Variants in CERS6 observed in about 807,000 individuals in gnomAD.
CERS6 encodes LAG1 homolog, ceramide synthase 6.
In CERS6, 26 loss-of-function variants were observed where a neutral mutation model predicts 56.8. The observed-to-expected ratio is 0.46, with a 90% CI of 0.34 to 0.63. The LOEUF is 0.63. Among genes scored for constraint, CERS6 ranks in the 30% least tolerant of loss-of-function variants. CERS6 has a pLI of 0.01. For synonymous variants in CERS6, 164 were observed against 173.3 expected (o/e 0.95, Z 0.42); for missense variants, 415 against 467.5 (o/e 0.89, Z 1.04).
chr2:168,711,748 A>AAT (rs1367843173), intron 6 of CERS6, among the ~76,000 whole-genome samples: 1 of 151,566 alleles, frequency 6.6e-6, no homozygotes, highest in Non-Finnish European at 1.5e-5. Context: ...AAAAAAAAAA[A>AAT]AGTATAGTTA....
chr2:168,646,882 T>A, intron 4 of CERS6, among the ~76,000 whole-genome samples: 1 of 152,224 alleles, frequency 6.6e-6, no homozygotes, highest in Non-Finnish European at 1.5e-5. Context: ...TCTGTTCCAT[T>A]GGTCTATGTG....
At chr2:168,569,723 T>C (rs10930333) in intron 3 of CERS6, among the ~76,000 whole-genome samples, 125,294 of 152,076 alleles carry the variant, frequency 0.82, 52,282 homozygotes, top group South Asian at 0.95. Flanking sequence ...GTCAGTATGG[T>C]GGTGAAGGCA....
chr2:168,692,686 G>A (rs1202943939), intron 5 of CERS6, among the ~76,000 whole-genome samples: 3 of 152,120 alleles, frequency 2.0e-5, no homozygotes, highest in Non-Finnish European at 4.4e-5. Context: ...ACAAATTGAT[G>A]GTTTCTCATG....
At chr2:168,476,397 T>G (rs959606543) in intron 1 of CERS6, among the ~76,000 whole-genome samples, 1 of 152,186 alleles carries the variant, frequency 6.6e-6, no homozygotes, top group African/African-American at 2.4e-5. Flanking sequence ...TCTGGAATAT[T>G]TTCTATGCAT....
At chr2:168,552,055 T>C (rs937625885) in intron 2 of CERS6, among the ~76,000 whole-genome samples, 1 of 152,154 alleles carries the variant, frequency 6.6e-6, no homozygotes, top group Non-Finnish European at 1.5e-5. Context: ...AATAATAAAA[T>C]TAACTTTTGG....
intron 3 of CERS6, among the ~76,000 whole-genome samples, chr2:168,562,979 A>T (rs569166581): frequency 3.3e-5 from 5 of 152,308 alleles, no homozygotes. Flanking sequence ...ACATGTCTAC[A>T]TGCTGAAAGT....
chr2:168,477,229 G>A (rs1346729619), intron 1 of CERS6, among the ~76,000 whole-genome samples: 2 of 147,352 alleles, frequency 1.4e-5, no homozygotes, highest in Non-Finnish European at 1.5e-5. Flanking sequence ...GTCTCATAGG[G>A]CACTAATTCC....
chr2:168,723,160 A>T (rs1186778630), intron 8 of CERS6, among the ~76,000 whole-genome samples: 1 of 152,174 alleles, frequency 6.6e-6, no homozygotes, highest in African/African-American at 2.4e-5. Flanking sequence ...CAGGATTGAG[A>T]GATAAGTAGA....
intron 8 of CERS6, among the ~76,000 whole-genome samples, chr2:168,724,261 G>A (rs916003961): frequency 3.9e-5 from 6 of 151,990 alleles, no homozygotes; most frequent in African/African-American, 1.5e-4. Context: ...CGGTGGGCTC[G>A]TGGTCTCGCT....
intron 1 of CERS6, among the ~76,000 whole-genome samples, chr2:168,535,336 T>C (rs1483588853): frequency 1.3e-5 from 2 of 152,208 alleles, no homozygotes; most frequent in Non-Finnish European, 1.5e-5. Flanking sequence ...CCCGGTGGAA[T>C]GCGTTCACGA....
chr2:168,458,739 A>T (rs566035441), intron 1 of CERS6, among the ~76,000 whole-genome samples: 2 of 152,334 alleles, frequency 1.3e-5, no homozygotes, highest in Admixed American at 6.5e-5. Context: ...TATGTCACAG[A>T]ATGCTACTGA....
chr2:168,571,743 G>A (rs1559003108), intron 3 of CERS6, among the ~76,000 whole-genome samples: 1 of 152,140 alleles, frequency 6.6e-6, no homozygotes, highest in Non-Finnish European at 1.5e-5. Flanking sequence ...ACATAGGCAT[G>A]CCACATGTAA....
intron 4 of CERS6, among the ~76,000 whole-genome samples, chr2:168,632,466 G>T (rs940932738): frequency 6.6e-6 from 1 of 152,088 alleles, no homozygotes; most frequent in Non-Finnish European, 1.5e-5. Flanking sequence ...TTTTTTACTT[G>T]TAGTCTTTTC....
chr2:168,501,215 T>C (rs1694574264), intron 1 of CERS6, among the ~76,000 whole-genome samples: 1 of 152,108 alleles, frequency 6.6e-6, no homozygotes, highest in African/African-American at 2.4e-5. Flanking sequence ...CCAGCATCAA[T>C]ATCCATGATT....
At chr2:168,697,063 G>A (rs970918077) in intron 6 of CERS6, among the ~76,000 whole-genome samples, 12 of 152,188 alleles carry the variant, frequency 7.9e-5, no homozygotes, top group Non-Finnish European at 1.3e-4. Flanking sequence ...AAAGCGTTTA[G>A]GAGTCTGTGG....
At chr2:168,601,444 A>G (rs1683930087) in intron 3 of CERS6, among the ~76,000 whole-genome samples, 1 of 152,098 alleles carries the variant, frequency 6.6e-6, no homozygotes, top group African/African-American at 2.4e-5. Flanking sequence ...AAGACCAATG[A>G]TGAATTCTGA....
At chr2:168,530,279 G>C (rs1391404333) in intron 1 of CERS6, among the ~76,000 whole-genome samples, 1 of 152,226 alleles carries the variant, frequency 6.6e-6, no homozygotes, top group Non-Finnish European at 1.5e-5. Context: ...TGAGGGTGCA[G>C]TTATATCCTT....
chr2:168,475,223 TA>T (rs200074643), intron 1 of CERS6, among the ~76,000 whole-genome samples: 5 of 151,770 alleles, frequency 3.3e-5, no homozygotes, highest in African/African-American at 9.7e-5. Context: ...AGAGAAAAGC[TA>T]AAAAAAAGTG....
chr2:168,761,200 T>TGTCTCAAGTGTCG (rs1559084210), intron 8 of CERS6, among the ~76,000 whole-genome samples: 1 of 152,224 alleles, frequency 6.6e-6, no homozygotes, highest in Non-Finnish European at 1.5e-5. Context: ...CAAGTGTCTC[T>TGTCTCAAGTGTCG]ACAGGAAGCC....
Sources: allele counts gnomAD v4.1 joint callset (sites outside exome capture counted in the v4.1 genomes callset), GRCh38; gene constraint gnomAD v4.1.1; transcripts MANE v1.5; gene names NCBI Gene and HGNC (gene_info 2026-07-23, HGNC 2026-07-21).